PCDHGA2: variants seen among roughly 807,000 people sequenced by gnomAD.
The protein encoded by PCDHGA2 is protocadherin gamma subfamily A, 2.
A neutral mutation model predicts 59.2 loss-of-function variants in PCDHGA2; 40 were observed. That is an observed-to-expected ratio of 0.68 (90% confidence interval 0.52 to 0.88). The LOEUF is 0.88. Among genes scored for constraint, PCDHGA2 ranks in the 40% least tolerant of loss-of-function variants. The probability of loss-of-function intolerance (pLI) is 0.00; values close to 1 mark genes in which losing one functional copy is unlikely to be tolerated. For missense variants in PCDHGA2, 1,226 were observed against 1,204.0 expected, an observed-to-expected ratio of 1.02 and a Z score of -0.27; for synonymous variants, 560 against 526.0, an observed-to-expected ratio of 1.06 and a Z score of -0.89.
In PCDHGA2 at chr5:141,403,923, G is replaced by T. The variant is rs199643799; in HGVS notation, c.2424+62528G>T. 1.2e-3 allele frequency: 1,935 copies of T among 1,613,900 alleles called. 4 individuals carry two copies. Among genetic ancestry groups the T allele is most frequent in the Non-Finnish European group, 1.5e-3 (1,744 of 1,179,882 alleles). On this transcript the variant is annotated intron_variant, in intron 1 of 3. Transcript: ENST00000394576. The stretch of plus-strand genomic sequence containing the variant: ...GAAATGGAAATACAAGCTGAAGATG[G>T]TGGGGGATTGAAAGGGTGGACAAAA...
rs1590066119 is a variant in PCDHGA2, at chr5:141,417,816, C to G, written c.2424+76421C>G. On this transcript the variant is annotated intron_variant, in intron 1 of 3. Transcript: ENST00000394576. ...CTTTTAGCGCGGTAGAGTGCACTTT[C>G]TCCAACTGGAAAAGCGGGGACCCAG... is the stretch of plus-strand genomic sequence containing the variant. 3 of 1,511,044 alleles carry G rather than the reference C, an allele frequency of 2.0e-6. No homozygotes were observed. The East Asian group carries it at 7.4e-5, about 37-fold the overall frequency. 93.6% of individuals were successfully genotyped at this position (1,511,044 alleles called of 1,614,324 possible).
At chr5:141,446,718 C>T (rs1279970040) in intron 1 of PCDHGA2, among the ~76,000 whole-genome samples, 4 of 152,174 alleles carry the variant, frequency 2.6e-5, no homozygotes, top group South Asian at 2.1e-4. Flanking sequence ...CTGCCCGCCT[C>T]GGCCTCCCAA....
intron 1 of PCDHGA2, chr5:141,351,110 A>C (rs1185497044): frequency 6.2e-7 from 1 of 1,613,972 alleles, no homozygotes; most frequent in African/African-American, 1.3e-5. Context: ...TTCCCCAATA[A>C]GTACCAGCCT....
In PCDHGA2 at chr5:141,431,221, A is replaced by T; in HGVS notation, c.2425-63586A>T. 6.2e-7 allele frequency: 1 copy of T among 1,614,124 alleles called. No homozygotes were observed. The highest frequency in any genetic ancestry group is 8.5e-7 in the Non-Finnish European group (1 of 1,180,026). On this transcript the variant is annotated intron_variant, in intron 1 of 3. Transcript: ENST00000394576. The surrounding 1 kb of genome is among the most constrained non-coding windows in gnomAD (Gnocchi z 4.8). Reference sequence around the variant, plus strand: ...CAGCCACTGAGATGCGGTTCCCTCTACCCCACGCCTGGGATCCGGATATCG... The same window carrying T: ...CAGCCACTGAGATGCGGTTCCCTCTTCCCCACGCCTGGGATCCGGATATCG...
intron 1 of PCDHGA2, chr5:141,364,455 G>A (rs753233498): frequency 1.9e-6 from 3 of 1,614,000 alleles, no homozygotes; most frequent in Non-Finnish European, 2.5e-6. Flanking sequence ...CTGGACAAAG[G>A]CTCCTTCGTC....
rs146569254 is a variant in PCDHGA2 at position 141,351,100 on chromosome 5, T to C, written c.2424+9705T>C. The C allele has an allele frequency of 6.9e-4, 1,108 of 1,614,070 alleles. 2 individuals carry two copies. In the Middle Eastern group the frequency reaches 0.017, roughly 25 times the overall value. ...CAGAGATCACCTATGCCTTCCTCAA[T>C]TCCCCAATAAGTACCAGCCTCTTCA... On this transcript the variant is annotated intron_variant, in intron 1 of 3. Transcript: ENST00000394576.
chr5:141,338,815 T>G lies in PCDHGA2; in HGVS notation c.-157T>G, dbSNP rs1348960323. 1.4e-6 allele frequency: 2 copies of G among 1,384,626 alleles called. No individual in the cohort carries two copies. The highest frequency in any genetic ancestry group is 1.9e-6 in the Non-Finnish European group (2 of 1,074,320). The allele number at this position is 1,384,626 out of a possible 1,614,324, so 85.8% of individuals were successfully genotyped here. A position where few individuals can be genotyped will look rare whatever the true frequency, so the allele number is the denominator to read the frequency against. ...GGGGTGGAGGTTTGGCCCTAAAGCT[T>G]CAGGACACCAAAGAAATTCAGTCGA... On this transcript the variant is annotated 5_prime_UTR_variant, in exon 1 of 4. Transcript: ENST00000394576.
intron 1 of PCDHGA2, chr5:141,393,472 C>A: frequency 6.2e-7 from 1 of 1,614,024 alleles, no homozygotes; most frequent in Non-Finnish European, 8.5e-7. Context: ...GGCGGCAAGC[C>A]GCCTCGCTCT....
chr5:141,388,920 A>T, intron 1 of PCDHGA2: 3 of 1,613,996 alleles, frequency 1.9e-6, no homozygotes, highest in East Asian at 2.2e-5. Flanking sequence ...CCCAGAAGTG[A>T]TATTCCAGTC....
intron 1 of PCDHGA2, among the ~76,000 whole-genome samples, chr5:141,452,137 G>A (rs2154563838): frequency 6.6e-6 from 1 of 152,162 alleles, no homozygotes; most frequent in East Asian, 1.9e-4. Flanking sequence ...TGGCTCATGT[G>A]TTTTTTCCAA....
chr5:141,394,173 C>T, intron 1 of PCDHGA2: 1 of 1,613,948 alleles, frequency 6.2e-7, no homozygotes, highest in Non-Finnish European at 8.5e-7. Flanking sequence ...TACTTTCCCT[C>T]ATGCCTCCTA....
chr5:141,438,368 G>A (rs1216571092), intron 1 of PCDHGA2, among the ~76,000 whole-genome samples: 2 of 151,558 alleles, frequency 1.3e-5, no homozygotes, highest in African/African-American at 4.8e-5. Context: ...GTCATTGAGG[G>A]CAGATATAAT....
chr5:141,384,649 C>T lies in PCDHGA2; in HGVS notation c.2424+43254C>T, dbSNP rs778822731. ...GGAGCTGGCACCCCGCTCCGCAGAGCCCGGCTACCTGGTGACCAAGGTGGT... is the reference window on the plus strand; with the variant it reads ...GGAGCTGGCACCCCGCTCCGCAGAGTCCGGCTACCTGGTGACCAAGGTGGT... On this transcript the variant is annotated intron_variant, in intron 1 of 3. Transcript: ENST00000394576. The T allele has an allele frequency of 3.7e-5, 60 of 1,614,114 alleles. No homozygotes were observed. The Middle Eastern group carries it at 4.9e-4, about 13-fold the overall frequency.
intron 1 of PCDHGA2, among the ~76,000 whole-genome samples, chr5:141,382,481 T>C (rs1778238182): frequency 6.6e-6 from 1 of 152,228 alleles, no homozygotes; most frequent in Non-Finnish European, 1.5e-5. Flanking sequence ...TCTAAGATTA[T>C]CAAACACCGG....
At chr5:141,463,526 A>G (rs989086820) in intron 1 of PCDHGA2, among the ~76,000 whole-genome samples, 1 of 131,914 alleles carries the variant, frequency 7.6e-6, no homozygotes, top group Non-Finnish European at 1.5e-5. Flanking sequence ...TCGGCTTACT[A>G]GAAACTCCGG....
At chr5:141,401,417 G>A (rs1404967672) in intron 1 of PCDHGA2, among the ~76,000 whole-genome samples, 1 of 152,136 alleles carries the variant, frequency 6.6e-6, no homozygotes, top group Non-Finnish European at 1.5e-5. Flanking sequence ...GAAAGAGAGA[G>A]ACTGATTCAC....
At chr5:141,398,529 G>A (rs375949491) in intron 1 of PCDHGA2, 2 of 1,613,544 alleles carry the variant, frequency 1.2e-6, no homozygotes, top group South Asian at 1.1e-5. Flanking sequence ...CAAAATTCAC[G>A]CAAAATTCCT....
At chr5:141,353,194 G>A (rs1270090950) in intron 1 of PCDHGA2, among the ~76,000 whole-genome samples, 3 of 152,050 alleles carry the variant, frequency 2.0e-5, no homozygotes, top group African/African-American at 7.2e-5. Context: ...GGCAAATCTT[G>A]CTAAAGAGAC....
intron 2 of PCDHGA2, among the ~76,000 whole-genome samples, chr5:141,501,802 C>T (rs2099811151): frequency 1.3e-5 from 2 of 152,154 alleles, no homozygotes; most frequent in Non-Finnish European, 2.9e-5. Context: ...ATCTCTTACC[C>T]AGCTTCACAT....
Sources: allele counts gnomAD v4.1 joint callset (sites outside exome capture counted in the v4.1 genomes callset), GRCh38; gene constraint gnomAD v4.1.1; non-coding constraint Gnocchi (gnomAD v3.1); transcripts MANE v1.5; gene names NCBI Gene and HGNC (gene_info 2026-07-23, HGNC 2026-07-21).